Variants in NRG3 observed in about 807,000 individuals in gnomAD.
NRG3 encodes pro-neuregulin-3, membrane-bound isoform.
Under a neutral mutation model 66.9 loss-of-function variants are expected in NRG3, and 31 were observed. The observed-to-expected ratio is 0.46, with a 90% CI of 0.35 to 0.63. The LOEUF (loss-of-function observed/expected upper bound fraction) is 0.63. NRG3 is among the 20% of genes least tolerant of loss of function. The pLI, the probability that NRG3 is intolerant of heterozygous loss-of-function variation, is 0.00. For synonymous variants in NRG3, 393 were observed against 359.4 expected (o/e 1.09, Z -1.06); for missense variants, 910 against 878.9 (o/e 1.04, Z -0.45).
At chr10:82,568,162 G>T (rs907296783) in intron 2 of NRG3, among the ~76,000 whole-genome samples, 6 of 151,852 alleles carry the variant, frequency 4.0e-5, no homozygotes, top group Admixed American at 1.3e-4. Flanking sequence ...ACCCTTCATT[G>T]CTGGATCATG....
intron 2 of NRG3, among the ~76,000 whole-genome samples, chr10:82,451,103 A>T (rs2091000232): frequency 6.6e-6 from 1 of 152,200 alleles, no homozygotes; most frequent in Non-Finnish European, 1.5e-5. Context: ...TGTGTGCCAG[A>T]TGGTGGTCTA....
intron 1 of NRG3, among the ~76,000 whole-genome samples, chr10:81,928,625 T>C (rs1847045982): frequency 6.6e-6 from 1 of 152,190 alleles, no homozygotes; most frequent in Non-Finnish European, 1.5e-5. Context: ...CCTACCCTTA[T>C]GGGTACATGG....
intron 1 of NRG3, among the ~76,000 whole-genome samples, chr10:82,030,689 G>A (rs1242553518): frequency 3.5e-5 from 5 of 141,770 alleles, no homozygotes; most frequent in Admixed American, 3.5e-4. Flanking sequence ...CAACAGAAAT[G>A]TCTAATTTGG....
chr10:82,057,970 TTTC>T (rs1435365861), intron 1 of NRG3, among the ~76,000 whole-genome samples: 1 of 24,864 alleles, frequency 4.0e-5, no homozygotes, highest in African/African-American at 3.5e-4. Flanking sequence ...CTTTCTTTCC[TTTC>T]TTTTTTTTTT....
intron 1 of NRG3, among the ~76,000 whole-genome samples, chr10:81,975,397 T>C (rs906843206): frequency 6.6e-6 from 1 of 151,654 alleles, no homozygotes; most frequent in Admixed American, 6.6e-5. Context: ...ATCCATCCCA[T>C]GGTAATGCAT....
intron 4 of NRG3, among the ~76,000 whole-genome samples, chr10:82,947,501 T>G (rs905688805): frequency 3.9e-5 from 6 of 152,126 alleles, no homozygotes; most frequent in Admixed American, 3.9e-4. Context: ...TTTTTAATTT[T>G]CTGTGAAGCT....
chr10:82,333,249 T>C (rs1488253611), intron 1 of NRG3, among the ~76,000 whole-genome samples: 1 of 152,190 alleles, frequency 6.6e-6, no homozygotes, highest in Non-Finnish European at 1.5e-5. Context: ...CCCAGTGGGC[T>C]GCAGGAATGG....
At position 82,306,682 on chromosome 10, in the gene NRG3, C is replaced by T. The variant is rs181894238; in HGVS notation, c.824-52057C>T. 3.0e-3 allele frequency among the ~76,000 whole-genome samples: 341 copies of T among 112,638 alleles called. 1 individual carries two copies. Among genetic ancestry groups the T allele is most frequent in the African/African-American group, 0.011 (327 of 30,766 alleles). The allele number at this position is 112,638 out of a possible 152,430, so 73.9% of individuals were successfully genotyped here. A position where few individuals can be genotyped will look rare whatever the true frequency, so the allele number is the denominator to read the frequency against. On this transcript the variant is annotated intron_variant, in intron 1 of 8. Transcript: ENST00000372141. ...TCGCGCCACTGCACTCCAGCCTGGG[C>T]GACAGAGTGAGACTCCGTCTTAAAA...
chr10:82,227,705 A>G (rs2076237839), intron 1 of NRG3, among the ~76,000 whole-genome samples: 1 of 152,204 alleles, frequency 6.6e-6, no homozygotes, highest in African/African-American at 2.4e-5. Flanking sequence ...TTTAAATAAA[A>G]TGCTTTTCTT....
chr10:81,932,745 T>C (rs1847493052), intron 1 of NRG3, among the ~76,000 whole-genome samples: 1 of 152,108 alleles, frequency 6.6e-6, no homozygotes, highest in African/African-American at 2.4e-5. Context: ...TTTTTTAAGA[T>C]AGTAGGTGTT....
At chr10:82,141,459 A>G (rs1044678955) in intron 1 of NRG3, among the ~76,000 whole-genome samples, 1 of 152,112 alleles carries the variant, frequency 6.6e-6, no homozygotes, top group Non-Finnish European at 1.5e-5. Context: ...CTTGAGTTTT[A>G]CAGAAAGAAA....
chr10:82,479,124 A>C (rs1055059938), intron 2 of NRG3, among the ~76,000 whole-genome samples: 1 of 150,854 alleles, frequency 6.6e-6, no homozygotes, highest in African/African-American at 2.5e-5. Flanking sequence ...GTGATGTGAC[A>C]GTGGAAAAAA....
intron 4 of NRG3, among the ~76,000 whole-genome samples, chr10:82,889,752 C>G (rs895935654): frequency 2.6e-5 from 4 of 152,148 alleles, no homozygotes; most frequent in African/African-American, 9.7e-5. Flanking sequence ...GTTGCCTTTC[C>G]TGGGCTTGAA....
chr10:82,759,326 G>T (rs145745006), intron 3 of NRG3, among the ~76,000 whole-genome samples: 19 of 152,072 alleles, frequency 1.2e-4, no homozygotes, highest in African/African-American at 4.6e-4. Flanking sequence ...AAACCTTCCA[G>T]TCACCAGAAT....
At chr10:81,877,935 G>A (rs967970898) in intron 1 of NRG3, 8 of 1,537,280 alleles carry the variant, frequency 5.2e-6, no homozygotes, top group East Asian at 2.4e-5. Flanking sequence ...TTTTTGATCT[G>A]CTCTTTTGAT....
chr10:82,444,233 G>C (rs538842047), intron 2 of NRG3, among the ~76,000 whole-genome samples: 15 of 152,246 alleles, frequency 9.9e-5, no homozygotes, highest in African/African-American at 3.4e-4. Flanking sequence ...CTCCTGAGTA[G>C]CAGGGATTAC....
chr10:82,674,757 C>A (rs1489226282), intron 2 of NRG3, among the ~76,000 whole-genome samples: 3 of 151,290 alleles, frequency 2.0e-5, no homozygotes, highest in African/African-American at 7.3e-5. Flanking sequence ...TTGTTCCCCA[C>A]CCCCACCTGC....
chr10:82,901,065 A>G (rs1844171865), intron 4 of NRG3, among the ~76,000 whole-genome samples: 1 of 152,198 alleles, frequency 6.6e-6, no homozygotes, highest in South Asian at 2.1e-4. Context: ...AATAATAAAC[A>G]TCCCCAGAAC....
chr10:82,263,813 A>C (rs2078160135), intron 1 of NRG3, among the ~76,000 whole-genome samples: 1 of 152,152 alleles, frequency 6.6e-6, no homozygotes, highest in African/African-American at 2.4e-5. Flanking sequence ...ATAACACCAA[A>C]ATTTTTGCTA....
Sources: gnomAD v4.1 joint callset for allele counts (sites outside exome capture counted in the v4.1 genomes callset) on GRCh38, gnomAD v4.1.1 for gene constraint, MANE v1.5 for transcripts, NCBI Gene and HGNC (gene_info 2026-07-23, HGNC 2026-07-21) for gene names.